Variants in SUPT3H observed in about 807,000 individuals in gnomAD.
SUPT3H encodes the protein SPT3 homolog, SAGA and STAGA complex component.
In SUPT3H, 44 loss-of-function variants were observed where a neutral mutation model predicts 44.3. The observed-to-expected ratio is 0.99, with a 90% confidence interval of 0.78 to 1.28. The LOEUF (loss-of-function observed/expected upper bound fraction) is 1.28, where lower values mean the gene tolerates loss of function less well. SUPT3H is among the 50% of genes most tolerant of loss of function. SUPT3H has a pLI of 0.00. For missense variants in SUPT3H, 380 were observed against 387.1 expected (o/e 0.98, Z 0.15); for synonymous variants, 124 against 125.6 (o/e 0.99, Z 0.09).
intron 3 of SUPT3H, among the ~76,000 whole-genome samples, chr6:45,032,061 C>T (rs1030012888): frequency 6.6e-6 from 1 of 152,156 alleles, no homozygotes; most frequent in Non-Finnish European, 1.5e-5. Flanking sequence ...AGACATTGGT[C>T]TCTATCCATT....
intron 2 of SUPT3H, among the ~76,000 whole-genome samples, chr6:45,172,848 C>A (rs1396861568): frequency 6.6e-6 from 1 of 152,122 alleles, no homozygotes; most frequent in Non-Finnish European, 1.5e-5. Context: ...TCTCAGCCTC[C>A]CAAAGTGCTG....
At chr6:45,071,495 T>A (rs941398369) in intron 3 of SUPT3H, among the ~76,000 whole-genome samples, 3 of 151,958 alleles carry the variant, frequency 2.0e-5, no homozygotes, top group Non-Finnish European at 4.4e-5. Context: ...CAGAAAAGGG[T>A]AAAAGAGAAT....
In SUPT3H at chr6:45,113,779, G is replaced by A. The variant is rs144784168; in HGVS notation, c.102-7773C>T. Among the ~76,000 whole-genome samples the A allele has an allele frequency of 2.6e-3, 384 of 145,806 alleles. 3 individuals are homozygous for A. Among genetic ancestry groups the A allele is most frequent in the African/African-American group, 8.9e-3 (349 of 39,056 alleles). On this transcript the variant is annotated intron_variant, in intron 2 of 10. Coordinates refer to ENST00000371459, the MANE Select transcript of SUPT3H (RefSeq NM_003599.4). Reference sequence around the variant, plus strand: ...TGGGAGGCAGAGGTTGCGGTGAGCCGAGATTGAGCCATTGCACTCCAGCCT... The same window carrying A: ...TGGGAGGCAGAGGTTGCGGTGAGCCAAGATTGAGCCATTGCACTCCAGCCT...
rs187003696 is a variant in SUPT3H, at chr6:44,847,689, T to C, written c.913-17832A>G. On this transcript the variant is annotated intron_variant, in intron 10 of 10. Coordinates refer to ENST00000371459, the MANE Select transcript of SUPT3H (RefSeq NM_003599.4). ...TTTTAGTAGAGATGGGGTTTCGCTA[T>C]GTTGGCCAGGCTGGTCTCGAACTCC... Among the ~76,000 whole-genome samples, 556 of 152,214 alleles carry C rather than the reference T, an allele frequency of 3.7e-3. 1 individual carries two copies. The highest frequency in any genetic ancestry group is 0.013 in the African/African-American group (530 of 41,538).
In SUPT3H at chr6:44,863,665, C is replaced by T. The variant is rs1042970934; in HGVS notation, c.913-33808G>A. Among the ~76,000 whole-genome samples, 3 of 151,850 alleles carry T rather than the reference C, an allele frequency of 2.0e-5. 1 individual carries two copies. The highest frequency in any genetic ancestry group is 2.9e-5 in the Non-Finnish European group (2 of 67,956). ...ATTAAGAGATGAATTAAGAGGTTGT[C>T]GGGGGCCAGATCATGTGGGGCTGTA... On this transcript the variant is annotated intron_variant, in intron 10 of 10. Coordinates refer to ENST00000371459, the MANE Select transcript of SUPT3H (RefSeq NM_003599.4).
chr6:45,030,955 C>G (rs7742360), intron 3 of SUPT3H, among the ~76,000 whole-genome samples: 91,956 of 151,994 alleles, frequency 0.6, 28,764 homozygotes, highest in African/African-American at 0.77. Context: ...AAGAGTGTTC[C>G]AGAATCTTTA....
intron 10 of SUPT3H, among the ~76,000 whole-genome samples, chr6:44,926,446 T>C (rs921699150): frequency 6.6e-6 from 1 of 152,158 alleles, no homozygotes; most frequent in Non-Finnish European, 1.5e-5. Flanking sequence ...AAAGTTTTAC[T>C]GTTCATGACT....
chr6:45,201,529 A>C (rs1762454323), intron 2 of SUPT3H, among the ~76,000 whole-genome samples: 1 of 151,840 alleles, frequency 6.6e-6, no homozygotes, highest in Non-Finnish European at 1.5e-5. Context: ...TAAAAATACT[A>C]GTGAGCTGAA....
intron 10 of SUPT3H, among the ~76,000 whole-genome samples, chr6:44,885,908 C>G (rs947939141): frequency 7.2e-5 from 11 of 151,998 alleles, no homozygotes; most frequent in South Asian, 6.2e-4. Context: ...AACCAATACA[C>G]AGAAGTGCTT....
intron 3 of SUPT3H, among the ~76,000 whole-genome samples, chr6:45,069,944 T>C (rs1794121014): frequency 6.6e-6 from 1 of 152,086 alleles, no homozygotes; most frequent in Admixed American, 6.5e-5. Flanking sequence ...GTAGCAGCAT[T>C]TCTAACTGCC....
chr6:45,276,245 T>C (rs551907481), intron 2 of SUPT3H, among the ~76,000 whole-genome samples: 2 of 152,188 alleles, frequency 1.3e-5, no homozygotes, highest in South Asian at 4.1e-4. Flanking sequence ...AATAGAATAA[T>C]ATAGCACAAC....
At chr6:45,128,692 C>CT (rs200994462) in intron 2 of SUPT3H, among the ~76,000 whole-genome samples, 79,355 of 141,028 alleles carry the variant, frequency 0.56, 22,700 homozygotes, top group East Asian at 0.71. Flanking sequence ...TTAAAAGATT[C>CT]TTTTTTTTTT....
intron 11 of SUPT3H, among the ~76,000 whole-genome samples, chr6:44,810,690 G>A (rs1254848642): frequency 1.3e-5 from 2 of 151,346 alleles, no homozygotes; most frequent in East Asian, 1.9e-4. Flanking sequence ...GGTGGATCAC[G>A]AGGTCAGGAG....
intron 2 of SUPT3H, among the ~76,000 whole-genome samples, chr6:45,255,028 A>AC (rs1773102936): frequency 1.3e-5 from 2 of 152,196 alleles, no homozygotes; most frequent in Non-Finnish European, 2.9e-5. Flanking sequence ...AATAATCCTT[A>AC]TATTACTTAA....
intron 9 of SUPT3H, among the ~76,000 whole-genome samples, chr6:44,942,582 C>T (rs1007742585): frequency 2.6e-5 from 4 of 152,144 alleles, no homozygotes; most frequent in African/African-American, 9.7e-5. Context: ...ATTCGGTGTA[C>T]AAATTTTACC....
At chr6:44,923,713 A>C (rs780612218) in intron 10 of SUPT3H, among the ~76,000 whole-genome samples, 20 of 152,104 alleles carry the variant, frequency 1.3e-4, no homozygotes, top group Non-Finnish European at 2.9e-5. Context: ...ACAGAACTGA[A>C]TAATTTCTTA....
chr6:45,072,619 T>C (rs1358339976), intron 3 of SUPT3H, among the ~76,000 whole-genome samples: 1 of 139,752 alleles, frequency 7.2e-6, no homozygotes, highest in African/African-American at 2.7e-5. Context: ...TAGATCATAC[T>C]TGGGCATTAT....
At chr6:45,040,927 T>C (rs1045394772) in intron 3 of SUPT3H, among the ~76,000 whole-genome samples, 5 of 152,200 alleles carry the variant, frequency 3.3e-5, no homozygotes, top group Non-Finnish European at 7.3e-5. Context: ...GAGCAATTTA[T>C]TTTTTCCATT....
intron 3 of SUPT3H, among the ~76,000 whole-genome samples, chr6:45,069,753 A>G (rs1015528282): frequency 1.3e-5 from 2 of 152,114 alleles, no homozygotes; most frequent in Admixed American, 1.3e-4. Flanking sequence ...GAGAACTCTT[A>G]TTTATTTATT....
Sources: gnomAD v4.1 joint callset for allele counts (sites outside exome capture counted in the v4.1 genomes callset) on GRCh38, gnomAD v4.1.1 for gene constraint, MANE v1.5 for transcripts, NCBI Gene and HGNC (gene_info 2026-07-23, HGNC 2026-07-21) for gene names.